The following VSTM2L variants were observed in gnomAD, a reference collection of about 807,000 sequenced individuals.
VSTM2L encodes the protein V-set and transmembrane domain containing 2 like.
VSTM2L carries 9 observed loss-of-function variants against 19.9 expected under a neutral mutation model. The ratio of observed to expected loss-of-function variants is 0.45; its 90% CI spans 0.27 to 0.79. VSTM2L has a LOEUF of 0.79. Ranked by LOEUF, VSTM2L falls within the 30% of genes least tolerant of loss-of-function variation. The pLI, the probability that VSTM2L is intolerant of heterozygous loss-of-function variation, is 0.15. For missense variants in VSTM2L, 286 were observed against 295.5 expected, an observed-to-expected ratio of 0.97 and a Z score of 0.24; for synonymous variants, 127 against 133.8, an observed-to-expected ratio of 0.95 and a Z score of 0.35.
At chr20:37,914,675 A>G (rs1053838104) in intron 1 of VSTM2L, among the ~76,000 whole-genome samples, 4 of 152,108 alleles carry the variant, frequency 2.6e-5, no homozygotes, top group South Asian at 2.1e-4. Flanking sequence ...CCAGAAGCAC[A>G]TGACCTGTCA....
Position 37,903,183 on chromosome 20 carries a change from G to T in VSTM2L, c.-168G>T. ...CGCTCCCCGAAGCCGGGGCTGGGCC[G>T]GAGCCGGGCGAGGGCTGGGAGCTGG... On this transcript the variant is annotated 5_prime_UTR_variant, in exon 1 of 4. Transcript: ENST00000373461. The T allele has an allele frequency of 1.1e-6, 1 of 925,308 alleles. No individual in the cohort carries two copies. The highest frequency in any genetic ancestry group is 1.4e-6 in the Non-Finnish European group (1 of 720,486). 57.3% of individuals were successfully genotyped at this position (925,308 alleles called of 1,614,324 possible).
intron 1 of VSTM2L, among the ~76,000 whole-genome samples, chr20:37,910,918 TAAA>T (rs527960204): frequency 1.5e-5 from 2 of 135,218 alleles, no homozygotes; most frequent in Non-Finnish European, 1.6e-5. Flanking sequence ...CCCTGTCTCT[TAAA>T]AAAAAAAAAA....
intron 1 of VSTM2L, among the ~76,000 whole-genome samples, chr20:37,930,313 TAG>T (rs1041657785): frequency 2.6e-5 from 4 of 151,982 alleles, no homozygotes; most frequent in African/African-American, 9.7e-5. Context: ...GGCCTGAATC[TAG>T]GATTTCACCT....
At chr20:37,929,989 C>T (rs2072899688) in intron 1 of VSTM2L, among the ~76,000 whole-genome samples, 1 of 152,174 alleles carries the variant, frequency 6.6e-6, no homozygotes, top group African/African-American at 2.4e-5. Context: ...CACCATCCCT[C>T]GCAAATGTTC....
At chr20:37,938,709 C>A (rs1041255718) in intron 3 of VSTM2L, among the ~76,000 whole-genome samples, 2 of 152,222 alleles carry the variant, frequency 1.3e-5, no homozygotes, top group African/African-American at 4.8e-5. Flanking sequence ...CCTGTCGATG[C>A]CTGTGCGGAG....
chr20:37,919,654 A>G (rs564544606), intron 1 of VSTM2L, among the ~76,000 whole-genome samples: 1 of 152,354 alleles, frequency 6.6e-6, no homozygotes, highest in Admixed American at 6.5e-5. Flanking sequence ...AACCTGGAGC[A>G]CACACACCCT....
chr20:37,904,006 A>C (rs1356917089), intron 1 of VSTM2L, among the ~76,000 whole-genome samples: 2 of 151,056 alleles, frequency 1.3e-5, no homozygotes, highest in East Asian at 1.9e-4. Context: ...TTGCTCACCC[A>C]CTCCTCTCTG....
chr20:37,910,780 A>G (rs2072774949), intron 1 of VSTM2L, among the ~76,000 whole-genome samples: 1 of 151,924 alleles, frequency 6.6e-6, no homozygotes, highest in African/African-American at 2.4e-5. Flanking sequence ...ACCCAGGTGT[A>G]GTGGCTCATG....
At chr20:37,905,354 T>C (rs2122928509) in intron 1 of VSTM2L, among the ~76,000 whole-genome samples, 1 of 152,170 alleles carries the variant, frequency 6.6e-6, no homozygotes, top group Middle Eastern at 3.4e-3. Context: ...TGGGTGCCAG[T>C]CTGTTATTCC....
At chr20:37,940,932 C>A (rs779765431) in intron 3 of VSTM2L, among the ~76,000 whole-genome samples, 2 of 152,206 alleles carry the variant, frequency 1.3e-5, no homozygotes, top group African/African-American at 2.4e-5. Context: ...ATCCACTCAC[C>A]TCCCACCAGG....
chr20:37,931,515 C>A, intron 1 of VSTM2L, 120 bp from the exon 2 acceptor site: 1 of 1,102,754 alleles, frequency 9.1e-7, no homozygotes, highest in Non-Finnish European at 1.3e-6. Flanking sequence ...CAGGTCACCC[C>A]ACCCCCTCCA....
intron 1 of VSTM2L, among the ~76,000 whole-genome samples, chr20:37,925,346 C>T (rs2072873815): frequency 6.6e-6 from 1 of 152,144 alleles, no homozygotes; most frequent in South Asian, 2.1e-4. Flanking sequence ...GTGGGGCTCT[C>T]AGGACCATCA....
At position 37,944,586 on chromosome 20, in the gene VSTM2L, T is replaced by C; in HGVS notation, c.*333T>C. On this transcript the variant is annotated 3_prime_UTR_variant, in exon 4 of 4. Coordinates refer to ENST00000373461, the MANE Select transcript of VSTM2L (RefSeq NM_080607.3). ...CTTCTGTGGAGTCCAGTGTTTTGCT[T>C]TGCTTGCTTGTCCCCCATCCTGTCC... 1.8e-6 allele frequency: 2 copies of C among 1,100,642 alleles called. No homozygotes were observed. Among genetic ancestry groups the C allele is most frequent in the Non-Finnish European group, 2.2e-6 (2 of 904,874 alleles). 68.2% of individuals were successfully genotyped at this position (1,100,642 alleles called of 1,614,324 possible).
intron 1 of VSTM2L, among the ~76,000 whole-genome samples, chr20:37,919,684 TGAGCTGGGCATA>T (rs1311666305): frequency 2.6e-5 from 4 of 152,260 alleles, no homozygotes; most frequent in Non-Finnish European, 4.4e-5. Context: ...GCCACCCAGC[TGAGCTGGGCATA>T]GAGCAGGCTT....
chr20:37,910,063 C>A (rs924432588), intron 1 of VSTM2L, among the ~76,000 whole-genome samples: 46 of 152,218 alleles, frequency 3.0e-4, no homozygotes, highest in Admixed American at 1.4e-3. Flanking sequence ...CTTCAAAACC[C>A]CCCAGGGCCC....
chr20:37,929,873 G>A (rs2072898933), intron 1 of VSTM2L, among the ~76,000 whole-genome samples: 1 of 152,124 alleles, frequency 6.6e-6, no homozygotes, highest in Admixed American at 6.5e-5. Context: ...GGCCCTCACG[G>A]TGATGTGGGG....
In VSTM2L at chr20:37,944,043, G is replaced by C; in HGVS notation, c.405G>C (p.Thr135=). The C allele has an allele frequency of 6.2e-7, 1 of 1,610,092 alleles. No homozygotes were observed. Among genetic ancestry groups the C allele is most frequent in the Non-Finnish European group, 8.5e-7 (1 of 1,177,234 alleles). Residue 135 remains threonine (T), a synonymous_variant, in exon 4 of 4, where the codon ACG becomes ACC. Transcript: ENST00000373461. Reference sequence around the variant, plus strand: ...TGCGCCTGTCCCGGGTGAAGCCCACGGACGAAGGCACCTACGAGTGCCGCG... The same window carrying C: ...TGCGCCTGTCCCGGGTGAAGCCCACCGACGAAGGCACCTACGAGTGCCGCG... ...HKLRLSRVKP[T]DEGTYECRVI...
intron 3 of VSTM2L, among the ~76,000 whole-genome samples, chr20:37,937,192 A>G (rs2093640032): frequency 6.6e-6 from 1 of 152,144 alleles, no homozygotes; most frequent in Admixed American, 6.5e-5. Flanking sequence ...CTGCTCTCAT[A>G]AGGAGATCAT....
intron 1 of VSTM2L, among the ~76,000 whole-genome samples, chr20:37,930,580 T>C (rs1228819782): frequency 6.6e-6 from 1 of 152,086 alleles, no homozygotes; most frequent in Non-Finnish European, 1.5e-5. Context: ...CAATATTTGT[T>C]TGGGGAGACG....
Sources: gnomAD v4.1 joint callset for allele counts (sites outside exome capture counted in the v4.1 genomes callset) on GRCh38, gnomAD v4.1.1 for gene constraint, MANE v1.5 for transcripts, NCBI Gene and HGNC (gene_info 2026-07-23, HGNC 2026-07-21) for gene names.